NLRP8: variants seen among roughly 807,000 people sequenced by gnomAD.
The protein encoded by NLRP8 is NACHT, LRR and PYD domains-containing protein 8.
Under a neutral mutation model 88.7 loss-of-function variants are expected in NLRP8, and 86 were observed. That is an observed-to-expected ratio of 0.97 (90% CI 0.81 to 1.16). The LOEUF is 1.16. Ranked by LOEUF, NLRP8 falls within the 50% of genes most tolerant of loss-of-function variation. NLRP8 has a pLI of 0.00. For synonymous variants in NLRP8, 504 were observed against 494.6 expected (o/e 1.02, Z -0.25); for missense variants, 1,342 against 1,286.5 (o/e 1.04, Z -0.66).
rs894844225 is a variant in NLRP8, at chr19:55,966,380, G to A, written c.2381G>A (p.Arg794Lys). 13 of 1,613,232 alleles carry A rather than the reference G, an allele frequency of 8.1e-6. No individual in the cohort carries two copies. The highest frequency in any genetic ancestry group is 1.7e-5 in the Admixed American group (1 of 59,974). The change falls in exon 5 of 10, where the codon AGG becomes AAG. Residue 794 changes from arginine (R) to lysine (K), a missense_variant and splice_region_variant. Physicochemically the swap from Arg to Lys is conservative, Grantham distance 26 (BLOSUM62 2). Coordinates refer to ENST00000291971, the MANE Select transcript of NLRP8 (RefSeq NM_176811.2). ...CCCCGGTGCCGTCTGCAGTGTCTCA[G>A]GTGAGATTTGAGAGGGGGGTTAGAG...
In NLRP8 at chr19:55,955,767, C is replaced by G. The variant is rs2123190179; in HGVS notation, c.1709C>G (p.Ala570Gly). 6.2e-7 allele frequency: 1 copy of G among 1,614,176 alleles called. No individual in the cohort carries two copies. The highest frequency in any genetic ancestry group is 2.2e-5 in the East Asian group (1 of 44,884). The change falls in exon 3 of 10, where the codon GCC becomes GGC. Residue 570 changes from alanine (A) to glycine (G), a missense_variant. Coordinates refer to ENST00000291971, the MANE Select transcript of NLRP8 (RefSeq NM_176811.2). ...TTTCTGAACGAGGCCTGCGCTTCGG[C>G]CGTGGAACAGTCATTCCAATGCAAG...
At chr19:55,961,174 A>T (rs1025410908) in intron 3 of NLRP8, among the ~76,000 whole-genome samples, 28 of 152,160 alleles carry the variant, frequency 1.8e-4, no homozygotes, top group Admixed American at 1.4e-3. Context: ...GAGTGCTGGG[A>T]TTACAATGTG....
At chr19:55,984,117 T>G (rs1218067569) in intron 9 of NLRP8, among the ~76,000 whole-genome samples, 1 of 151,530 alleles carries the variant, frequency 6.6e-6, no homozygotes, top group Non-Finnish European at 1.5e-5. Context: ...AACACAACAT[T>G]ATAAAGATGG....
chr19:55,986,452 T>G (rs62130173), intron 9 of NLRP8, among the ~76,000 whole-genome samples: 10 of 73,938 alleles, frequency 1.4e-4, no homozygotes, highest in Non-Finnish European at 2.2e-4. Flanking sequence ...ACTCTCTCTC[T>G]CACACACACA....
intron 6 of NLRP8, among the ~76,000 whole-genome samples, chr19:55,971,439 C>CA (rs34787079): frequency 0.41 from 35,397 of 86,532 alleles, 7,048 homozygotes; most frequent in Non-Finnish European, 0.47. Context: ...AGACTCGTCT[C>CA]AAAAAAAAAA....
chr19:55,961,973 C>T, intron 3 of NLRP8, 94 bp from the exon 4 acceptor site: 1 of 1,318,674 alleles, frequency 7.6e-7, no homozygotes, highest in Non-Finnish European at 1.1e-6. Context: ...GCCTATGGCC[C>T]TAACCAGGAT....
At chr19:55,973,952 C>CCTG in intron 7 of NLRP8, 130 bp downstream of exon 7, 1 of 828,460 alleles carries the variant, frequency 1.2e-6, no homozygotes, top group East Asian at 2.8e-5. Flanking sequence ...GGTGCTAGCA[C>CCTG]TGAGGGGAAA....
chr19:55,963,425 C>G (rs117699914), intron 4 of NLRP8, among the ~76,000 whole-genome samples: 1 of 152,198 alleles, frequency 6.6e-6, no homozygotes, highest in African/African-American at 2.4e-5. Context: ...AGCTCGTCTT[C>G]CCCAACACTC....
intron 6 of NLRP8, among the ~76,000 whole-genome samples, chr19:55,972,114 ATTTT>A (rs60245156): frequency 1.6e-4 from 21 of 128,312 alleles, no homozygotes; most frequent in Middle Eastern, 4.0e-3. Flanking sequence ...CTATGTTTTA[ATTTT>A]TTTTTTTTTT....
intron 9 of NLRP8, among the ~76,000 whole-genome samples, 189 bp from the exon 10 acceptor site, chr19:55,980,870 G>T (rs983135709): frequency 6.6e-6 from 1 of 152,146 alleles, no homozygotes; most frequent in African/African-American, 2.4e-5. Context: ...TGTCTTGGTT[G>T]AACCCCAAGG....
rs767883117 is a variant in NLRP8, at chr19:55,954,991, T to C, written c.933T>C (p.Pro311=). Residue 311 remains proline (P), a synonymous_variant, in exon 3 of 10, where the codon CCT becomes CCC. Coordinates refer to ENST00000291971, the MANE Select transcript of NLRP8 (RefSeq NM_176811.2). Reference sequence around the variant, plus strand: ...GTGAAGACTGGAGGCAGAAATTGCCTGGGTCTGTCCTACTGAGCAGTTTGC... The same window carrying C: ...GTGAAGACTGGAGGCAGAAATTGCCCGGGTCTGTCCTACTGAGCAGTTTGC... The C allele has an allele frequency of 1.9e-6, 3 of 1,614,154 alleles. No homozygotes were observed. The highest frequency in any genetic ancestry group is 2.5e-6 in the Non-Finnish European group (3 of 1,180,024).
At chr19:55,959,452 T>A (rs1979517773) in intron 3 of NLRP8, among the ~76,000 whole-genome samples, 1 of 151,778 alleles carries the variant, frequency 6.6e-6, no homozygotes, top group Non-Finnish European at 1.5e-5. Context: ...GACCTCATGA[T>A]CCACCCGCCT....
intron 8 of NLRP8, 51 bp downstream of exon 8, chr19:55,976,354 C>A: frequency 6.9e-7 from 1 of 1,448,632 alleles, no homozygotes; most frequent in Non-Finnish European, 9.2e-7. Context: ...TGTATATAAG[C>A]GTCTCTCAGG....
chr19:55,950,533 C>T lies in NLRP8; in HGVS notation c.368-2005C>T, dbSNP rs115329981. Among the ~76,000 whole-genome samples the T allele has an allele frequency of 9.4e-3, 1,425 of 152,254 alleles. 25 individuals carry two copies. The highest frequency in any genetic ancestry group is 0.032 in the African/African-American group (1,336 of 41,534). ...ACTCATTAAAATGTATTCGTAACCC[C>T]CAAATCAATACTTACAGCGCTTTCA... On this transcript the variant is annotated intron_variant, in intron 1 of 9. Transcript: ENST00000291971.
chr19:55,984,353 G>T (rs1980705475), intron 9 of NLRP8, among the ~76,000 whole-genome samples: 2 of 152,016 alleles, frequency 1.3e-5, no homozygotes, highest in African/African-American at 4.8e-5. Flanking sequence ...TCTCAAATAG[G>T]AATAAACAAT....
intron 2 of NLRP8, among the ~76,000 whole-genome samples, chr19:55,953,103 T>C (rs1483478430): frequency 6.6e-6 from 1 of 152,068 alleles, no homozygotes; most frequent in African/African-American, 2.4e-5. Context: ...TTGCTCACAT[T>C]ACCTCCTGGG....
chr19:55,964,834 C>T (rs1298860206), intron 4 of NLRP8, among the ~76,000 whole-genome samples: 2 of 151,954 alleles, frequency 1.3e-5, no homozygotes. Flanking sequence ...AGTCCAAACT[C>T]ATCAAATTGT....
At chr19:55,956,134 C>T (rs745388612) in intron 3 of NLRP8, 34 bp downstream of exon 3, 4 of 1,579,304 alleles carry the variant, frequency 2.5e-6, no homozygotes, top group Non-Finnish European at 3.4e-6. Flanking sequence ...GGTAGCCCGT[C>T]CTACCCGGAG....
At position 55,973,837 on chromosome 19, in the gene NLRP8, G is replaced by GT. The variant is rs113196235; in HGVS notation, c.2705+19dup. On this transcript the variant is annotated intron_variant, in intron 7 of 9. Coordinates refer to ENST00000291971, the MANE Select transcript of NLRP8 (RefSeq NM_176811.2). ...CAGAGGCTGGTGTAAGTCCCAGAATGTTTTCTTCTCTGAATTCCCTGGAGC... is the reference window on the plus strand; with the variant it reads ...CAGAGGCTGGTGTAAGTCCCAGAATGTTTTTCTTCTCTGAATTCCCTGGAGC... 938 of 1,600,898 alleles carry GT rather than the reference G, an allele frequency of 5.9e-4. 5 individuals carry two copies. The African/African-American group carries it at 0.011, about 20-fold the overall frequency.
Sources: allele counts gnomAD v4.1 joint callset (sites outside exome capture counted in the v4.1 genomes callset), GRCh38; gene constraint gnomAD v4.1.1; transcripts MANE v1.5; gene names NCBI Gene and HGNC (gene_info 2026-07-23, HGNC 2026-07-21).